Variants in PBRM1 observed in about 807,000 individuals in gnomAD.
PBRM1 encodes the protein protein polybromo-1.
PBRM1 carries 27 observed loss-of-function variants against 194.5 expected under a neutral mutation model. The observed-to-expected ratio is 0.14, with a 90% confidence interval of 0.10 to 0.19. PBRM1 has a LOEUF of 0.19. Among genes scored for constraint, PBRM1 ranks in the 10% least tolerant of loss-of-function variants. The pLI, the probability that PBRM1 is intolerant of heterozygous loss-of-function variation, is 1.00. For missense variants in PBRM1, 1,466 were observed against 2,077.2 expected, an observed-to-expected ratio of 0.71 and a Z score of 5.72; for synonymous variants, 655 against 693.2, an observed-to-expected ratio of 0.94 and a Z score of 0.87.
chr3:52,612,831 AG>A (rs1440894316), intron 15 of PBRM1, among the ~76,000 whole-genome samples: 1 of 150,896 alleles, frequency 6.6e-6, no homozygotes, highest in Non-Finnish European at 1.5e-5. Flanking sequence ...GGGGGAACCC[AG>A]GAGACGGAGT....
chr3:52,618,245 C>T (rs1472055506), intron 13 of PBRM1, among the ~76,000 whole-genome samples: 1 of 152,104 alleles, frequency 6.6e-6, no homozygotes, highest in African/African-American at 2.4e-5. Context: ...CTCCAAATTC[C>T]CCCAGTGAGA....
chr3:52,575,768 C>G (rs1456403535), intron 22 of PBRM1, among the ~76,000 whole-genome samples: 2 of 151,328 alleles, frequency 1.3e-5, no homozygotes, highest in South Asian at 2.1e-4. Flanking sequence ...CCCGCCTCGG[C>G]CTCCCAAAGT....
intron 18 of PBRM1, among the ~76,000 whole-genome samples, chr3:52,588,019 G>C (rs1300847193): frequency 6.6e-6 from 1 of 150,382 alleles, no homozygotes; most frequent in Non-Finnish European, 1.5e-5. Flanking sequence ...TTCTAGAGAA[G>C]GGGTCTTGCC....
intron 13 of PBRM1, among the ~76,000 whole-genome samples, chr3:52,625,735 T>C (rs932845352): frequency 6.6e-6 from 1 of 151,988 alleles, no homozygotes; most frequent in Non-Finnish European, 1.5e-5. Context: ...CTATCACGCC[T>C]GGCTAATTTT....
chr3:52,607,778 A>G (rs1211715098), intron 16 of PBRM1, among the ~76,000 whole-genome samples: 1 of 152,206 alleles, frequency 6.6e-6, no homozygotes, highest in Non-Finnish European at 1.5e-5. Flanking sequence ...GAGTAACTCC[A>G]AGAGTTTTTG....
intron 26 of PBRM1, 60 bp from the exon 29 acceptor site, chr3:52,554,939 TAACA>T: frequency 2.8e-6 from 4 of 1,443,106 alleles, no homozygotes; most frequent in Non-Finnish European, 3.9e-6. Flanking sequence ...AGCTAAGTAA[TAACA>T]ACCAACCCCC....
intron 3 of PBRM1, among the ~76,000 whole-genome samples, chr3:52,664,038 T>A (rs1476205217): frequency 6.9e-6 from 1 of 144,048 alleles, no homozygotes; most frequent in Non-Finnish European, 1.5e-5. Context: ...CCAGCCTGGG[T>A]GACAAAGCCA....
At chr3:52,636,812 ACTCACACTTGTAAT>A (rs1405160720) in intron 10 of PBRM1, among the ~76,000 whole-genome samples, 2 of 144,734 alleles carry the variant, frequency 1.4e-5, no homozygotes, top group Non-Finnish European at 3.0e-5. Flanking sequence ...AGGCGCAGTG[ACTCACACTTGTAAT>A]CCTGCCTGGG....
At chr3:52,668,812 C>T (rs2096892141) in intron 2 of PBRM1, among the ~76,000 whole-genome samples, 167 bp from the exon 4 acceptor site, 1 of 145,080 alleles carries the variant, frequency 6.9e-6, no homozygotes, top group African/African-American at 2.5e-5. Context: ...AAAAAATCTG[C>T]AAAAAAAGAA....
At chr3:52,669,033 A>G (rs962733424) in intron 2 of PBRM1, among the ~76,000 whole-genome samples, 5 of 152,084 alleles carry the variant, frequency 3.3e-5, no homozygotes, top group Non-Finnish European at 1.5e-5. Context: ...ATGTCTCAAT[A>G]CTCTTTATAA....
At chr3:52,673,696 T>G (rs550486504) in intron 2 of PBRM1, among the ~76,000 whole-genome samples, 1 of 145,298 alleles carries the variant, frequency 6.9e-6, no homozygotes, top group South Asian at 2.2e-4. Context: ...AAAAAAAGCT[T>G]CTTTCTCAAG....
At chr3:52,588,358 G>A (rs1316052726) in intron 18 of PBRM1, among the ~76,000 whole-genome samples, 1 of 152,086 alleles carries the variant, frequency 6.6e-6, no homozygotes, top group Non-Finnish European at 1.5e-5. Flanking sequence ...GCTAAGCCAA[G>A]GCATGTCATT....
chr3:52,606,304 T>C (rs981180902), intron 16 of PBRM1, among the ~76,000 whole-genome samples: 15 of 152,180 alleles, frequency 9.9e-5, no homozygotes, highest in African/African-American at 2.9e-4. Flanking sequence ...CCACTGTACC[T>C]GGCCCCTAAA....
At chr3:52,616,372 C>T (rs144120131) in intron 14 of PBRM1, among the ~76,000 whole-genome samples, 34 of 152,280 alleles carry the variant, frequency 2.2e-4, no homozygotes, top group African/African-American at 7.2e-4. Context: ...GAGACTGTAT[C>T]TCAGTTACAA....
chr3:52,650,385 T>TA (rs35462727), intron 6 of PBRM1, among the ~76,000 whole-genome samples: 1,647 of 119,284 alleles, frequency 0.014, 21 homozygotes, highest in African/African-American at 0.022. Context: ...AAAAAAACCC[T>TA]AAAAAAAAAA....
intron 16 of PBRM1, among the ~76,000 whole-genome samples, chr3:52,604,958 AAAATAAAT>A (rs144080973): frequency 8.9e-5 from 13 of 145,774 alleles, no homozygotes; most frequent in African/African-American, 2.0e-4. Flanking sequence ...ACTCTGTCCC[AAAATAAAT>A]AAATAAATAA....
At chr3:52,656,811 C>T (rs958514321) in intron 5 of PBRM1, among the ~76,000 whole-genome samples, 3 of 152,132 alleles carry the variant, frequency 2.0e-5, no homozygotes, top group Admixed American at 2.0e-4. Flanking sequence ...AGCCTGTATA[C>T]CCAGCTACTT....
intron 22 of PBRM1, among the ~76,000 whole-genome samples, chr3:52,571,854 CCCAAAAAAAAAAAA>C (rs1376599251): frequency 2.7e-5 from 1 of 36,682 alleles, no homozygotes; most frequent in Non-Finnish European, 5.7e-5. Context: ...ACCTCATCTC[CCCAAAAAAAAAAAA>C]AAAAAAAAAA....
intron 27 of PBRM1, among the ~76,000 whole-genome samples, chr3:52,552,367 A>C (rs1223989230): frequency 6.6e-6 from 1 of 152,222 alleles, no homozygotes; most frequent in African/African-American, 2.4e-5. Context: ...AGCTCAATGA[A>C]TCCCCTACTC....
Sources: allele counts gnomAD v4.1 joint callset (sites outside exome capture counted in the v4.1 genomes callset), GRCh38; gene constraint gnomAD v4.1.1; transcripts MANE v1.5; gene names NCBI Gene and HGNC (gene_info 2026-07-23, HGNC 2026-07-21).